HIGD1C: variants seen among roughly 807,000 people sequenced by gnomAD.
HIGD1C encodes HIG1 domain family member 1C.
A neutral mutation model predicts 13.1 loss-of-function variants in HIGD1C; 11 were observed. The ratio of observed to expected loss-of-function variants is 0.84; its 90% CI spans 0.53 to 1.39. The LOEUF is 1.39. HIGD1C is among the 40% of genes most tolerant of loss of function. The pLI, the probability that HIGD1C is intolerant of heterozygous loss-of-function variation, is 0.00. For missense variants in HIGD1C, 110 were observed against 112.0 expected (o/e 0.98, Z 0.08); for synonymous variants, 36 against 37.7 (o/e 0.95, Z 0.17).
downstream of HIGD1C, chr12:50,970,531 GACAAGAA>G: frequency 7.1e-7 from 1 of 1,410,430 alleles, no homozygotes; most frequent in Non-Finnish European, 9.7e-7. Context: ...AAGCAAGAAA[GACAAGAA>G]GCTTCTGAAA....
exon 3 of HIGD1C, chr12:50,970,454 C>G (rs1159220817): frequency 6.7e-7 from 1 of 1,500,454 alleles, no homozygotes; most frequent in African/African-American, 1.4e-5. Context: ...GTTCTCTATT[C>G]TATGTATAAG....
At chr12:50,964,186 C>T (rs1433196715) in intron 2 of HIGD1C, among the ~76,000 whole-genome samples, 1 of 152,150 alleles carries the variant, frequency 6.6e-6, no homozygotes, top group Non-Finnish European at 1.5e-5. Context: ...GCATTCATAT[C>T]AAAATAAGGA....
At chr12:50,970,399 T>C in intron 2 of HIGD1C, 43 bp from the exon 5 acceptor site, 2 of 991,556 alleles carry the variant, frequency 2.0e-6, no homozygotes, top group African/African-American at 1.6e-5. Flanking sequence ...TCAGTGTTTG[T>C]TTCCCATGGA....
the HIGD1C span, among the ~76,000 whole-genome samples, chr12:50,941,242 T>C: frequency 6.6e-5 from 10 of 151,942 alleles, no homozygotes; most frequent in Non-Finnish European, 1.5e-5. Context: ...TCCGCCTCGA[T>C]CTCCCAAAGT....
chr12:50,971,537 T>C (rs895268696), downstream of HIGD1C, among the ~76,000 whole-genome samples: 2 of 152,202 alleles, frequency 1.3e-5, no homozygotes, highest in African/African-American at 4.8e-5. Flanking sequence ...TACGACACTG[T>C]AGAAAACACA....
chr12:50,938,984 G>T, the HIGD1C span, among the ~76,000 whole-genome samples: 1 of 151,944 alleles, frequency 6.6e-6, no homozygotes, highest in South Asian at 2.1e-4. Context: ...ATTTTCCTGG[G>T]GTACAAAGAA....
the HIGD1C span, among the ~76,000 whole-genome samples, chr12:50,943,343 C>T: frequency 6.6e-6 from 1 of 152,104 alleles, no homozygotes; most frequent in Non-Finnish European, 1.5e-5. Context: ...CTGGAGTACC[C>T]ATATCCTCCC....
downstream of HIGD1C, among the ~76,000 whole-genome samples, chr12:50,971,525 G>C (rs1939760798): frequency 6.6e-6 from 1 of 152,170 alleles, no homozygotes; most frequent in Non-Finnish European, 1.5e-5. Flanking sequence ...ATGCTAATGT[G>C]GTACGACACT....
chr12:50,954,254 C>A, intron 1 of HIGD1C, 162 bp downstream of exon 3: 1 of 488,180 alleles, frequency 2.0e-6, no homozygotes, highest in South Asian at 4.0e-5. Flanking sequence ...GTTCCTAATA[C>A]ATGGTAAGCC....
At chr12:50,952,765 G>C (rs1314505574), upstream of HIGD1C, among the ~76,000 whole-genome samples, 1 of 152,208 alleles carries the variant, frequency 6.6e-6, no homozygotes, top group Non-Finnish European at 1.5e-5. Flanking sequence ...CAACTGCAGG[G>C]AGCGCACCTC....
chr12:50,938,021 C>T, the HIGD1C span, among the ~76,000 whole-genome samples: 1 of 152,102 alleles, frequency 6.6e-6, no homozygotes, highest in Non-Finnish European at 1.5e-5. Flanking sequence ...GCAGCCTGGC[C>T]CCCCAACCTT....
the HIGD1C span, among the ~76,000 whole-genome samples, chr12:50,938,348 C>A: frequency 1.3e-5 from 2 of 152,228 alleles, no homozygotes; most frequent in Admixed American, 6.5e-5. Flanking sequence ...GGGGCTACAA[C>A]TTTGTTCCAC....
chr12:50,972,207 C>T (rs1939779638), downstream of HIGD1C, among the ~76,000 whole-genome samples: 1 of 152,184 alleles, frequency 6.6e-6, no homozygotes, highest in Admixed American at 6.5e-5. Flanking sequence ...TCTACCTTCT[C>T]AATATGTACT....
chr12:50,963,369 C>CAAAAAAAAAAA (rs35764288), intron 2 of HIGD1C, among the ~76,000 whole-genome samples: 18 of 72,382 alleles, frequency 2.5e-4, no homozygotes, highest in East Asian at 3.5e-4. Context: ...GACTCCATCT[C>CAAAAAAAAAAA]AAAAAAAAAA....
chr12:50,960,843 T>C, intron 1 of HIGD1C, 125 bp from the exon 4 acceptor site: 1 of 752,850 alleles, frequency 1.3e-6, no homozygotes, highest in Non-Finnish European at 2.1e-6. Flanking sequence ...TCACCATGTG[T>C]GGCTAATTTT....
intron 1 of HIGD1C, among the ~76,000 whole-genome samples, chr12:50,956,867 C>T (rs1939114233): frequency 6.6e-6 from 1 of 152,142 alleles, no homozygotes; most frequent in East Asian, 1.9e-4. Context: ...GAGCAGGAAG[C>T]ATGTTCAGTT....
chr12:50,960,994 T>C (rs779407010), exon 2 of HIGD1C: 3 of 1,602,442 alleles, frequency 1.9e-6, no homozygotes, highest in Non-Finnish European at 2.6e-6. Context: ...GACTGTGGTG[T>C]CCTGTGGTCT....
chr12:50,946,971 C>T, the HIGD1C span, among the ~76,000 whole-genome samples: 1 of 152,124 alleles, frequency 6.6e-6, no homozygotes, highest in Non-Finnish European at 1.5e-5. Flanking sequence ...TGTGTAATAT[C>T]TGATTCTCAT....
the HIGD1C span, among the ~76,000 whole-genome samples, chr12:50,945,865 A>T: frequency 6.6e-6 from 1 of 152,186 alleles, no homozygotes; most frequent in South Asian, 2.1e-4. Flanking sequence ...ACAGCATGGT[A>T]CTGGTACCAA....
Sources: gnomAD v4.1 joint callset for allele counts (sites outside exome capture counted in the v4.1 genomes callset) on GRCh38, gnomAD v4.1.1 for gene constraint, MANE v1.5 for transcripts, NCBI Gene and HGNC (gene_info 2026-07-23, HGNC 2026-07-21) for gene names.